Variants in COL10A1 observed in about 807,000 individuals in gnomAD.
COL10A1 encodes the protein collagen alpha-1(X) chain.
COL10A1 carries 10 observed loss-of-function variants against 18.2 expected under a neutral mutation model. The observed-to-expected ratio is 0.55, with a 90% CI of 0.34 to 0.93. The LOEUF is 0.93. COL10A1 is among the 40% of genes least tolerant of loss of function. The probability of loss-of-function intolerance (pLI) is 0.02; values close to 1 mark genes in which losing one functional copy is unlikely to be tolerated. For missense variants in COL10A1, 897 were observed against 853.5 expected (o/e 1.05, Z -0.64); for synonymous variants, 330 against 316.6 (o/e 1.04, Z -0.45).
the COL10A1 span, among the ~76,000 whole-genome samples, chr6:116,178,361 T>C: frequency 6.6e-6 from 1 of 152,160 alleles, no homozygotes; most frequent in Admixed American, 6.5e-5. Flanking sequence ...CTGAACTCTT[T>C]AACTTGAAGT....
At chr6:116,191,943 C>G in the COL10A1 span, among the ~76,000 whole-genome samples, 2 of 151,968 alleles carry the variant, frequency 1.3e-5, no homozygotes, top group African/African-American at 4.8e-5. Flanking sequence ...CATTGATTGC[C>G]ATGATTTTTT....
the COL10A1 span, among the ~76,000 whole-genome samples, chr6:116,205,471 G>A: frequency 8.7e-6 from 1 of 115,544 alleles, no homozygotes; most frequent in South Asian, 2.5e-4. Flanking sequence ...TATCTGGTAG[G>A]TTGGAACTTA....
chr6:116,197,190 T>C, the COL10A1 span, among the ~76,000 whole-genome samples: 1 of 151,908 alleles, frequency 6.6e-6, no homozygotes, highest in Non-Finnish European at 1.5e-5. Context: ...TGAAGAGGCA[T>C]GAATCTTCAT....
At chr6:116,209,674 T>C in the COL10A1 span, among the ~76,000 whole-genome samples, 6 of 151,824 alleles carry the variant, frequency 4.0e-5, no homozygotes, top group African/African-American at 1.2e-4. Context: ...TATGCCTTAA[T>C]TTTAGACGTT....
At chr6:116,200,742 C>T in the COL10A1 span, among the ~76,000 whole-genome samples, 1 of 151,992 alleles carries the variant, frequency 6.6e-6, no homozygotes, top group Non-Finnish European at 1.5e-5. Flanking sequence ...TTCATCTCTT[C>T]TCCCACTAGC....
upstream of COL10A1, among the ~76,000 whole-genome samples, chr6:116,130,422 T>C (rs1391195334): frequency 6.6e-6 from 1 of 151,944 alleles, no homozygotes; most frequent in Non-Finnish European, 1.5e-5. Flanking sequence ...AGTTGGCTCC[T>C]GAGTTCTTTT....
At position 116,153,659 on chromosome 6, in the gene COL10A1, ATTG is replaced by A. The variant is rs563030084; in HGVS notation, c.-16+4952_-16+4954del. 2.3e-3 allele frequency among the ~76,000 whole-genome samples: 348 copies of A among 152,292 alleles called. 2 individuals carry two copies. Among genetic ancestry groups the A allele is most frequent in the African/African-American group, 8.2e-3 (342 of 41,580 alleles). On this transcript the variant is annotated intron_variant, in intron 1 of 1. Coordinates refer to the COL10A1 transcript ENST00000418500. ...TAGAAAAGTTGCATATAAAATTGCT[ATTG>A]TTGTCAAAAACAGTCAAATATTGGC...
chr6:116,199,689 G>A, the COL10A1 span, among the ~76,000 whole-genome samples: 7 of 151,974 alleles, frequency 4.6e-5, no homozygotes, highest in East Asian at 1.4e-3. Flanking sequence ...TACAATGATG[G>A]AGGTGTGTAA....
chr6:116,130,646 A>G (rs894907872), upstream of COL10A1, among the ~76,000 whole-genome samples: 5 of 152,096 alleles, frequency 3.3e-5, no homozygotes, highest in African/African-American at 1.2e-4. Context: ...TAAGAAACGT[A>G]TGCACAGGGT....
the COL10A1 span, among the ~76,000 whole-genome samples, chr6:116,208,425 T>C: frequency 5.3e-5 from 8 of 152,152 alleles, no homozygotes; most frequent in East Asian, 1.4e-3. Context: ...AGTGTATCTC[T>C]TTGAAGCTAG....
the COL10A1 span, among the ~76,000 whole-genome samples, chr6:116,168,152 G>T: frequency 7.2e-6 from 1 of 138,818 alleles, no homozygotes; most frequent in Non-Finnish European, 1.5e-5. Flanking sequence ...CCATTGGTTT[G>T]TTTTGGAAAA....
At chr6:116,169,949 GGA>G in the COL10A1 span, among the ~76,000 whole-genome samples, 1 of 152,188 alleles carries the variant, frequency 6.6e-6, no homozygotes, top group Non-Finnish European at 1.5e-5. Context: ...CAGAAATAGG[GGA>G]GAGGGGTTTC....
intron 1 of COL10A1, among the ~76,000 whole-genome samples, chr6:116,148,385 C>T (rs1483181728): frequency 2.0e-5 from 3 of 152,130 alleles, no homozygotes; most frequent in African/African-American, 7.2e-5. Flanking sequence ...TTGCAATTTA[C>T]CATACATGCC....
the COL10A1 span, among the ~76,000 whole-genome samples, chr6:116,166,853 G>T: frequency 6.6e-6 from 1 of 152,110 alleles, no homozygotes; most frequent in Non-Finnish European, 1.5e-5. Flanking sequence ...CTGAAATTCT[G>T]AAATGTCTGG....
At chr6:116,151,549 G>A (rs1562140256) in intron 1 of COL10A1, among the ~76,000 whole-genome samples, 1 of 152,158 alleles carries the variant, frequency 6.6e-6, no homozygotes, top group East Asian at 1.9e-4. Flanking sequence ...AGACTATTAA[G>A]TAATGTATAT....
intron 1 of COL10A1, among the ~76,000 whole-genome samples, chr6:116,154,658 AT>A (rs71554840): frequency 0.23 from 35,596 of 152,070 alleles, 4,444 homozygotes; most frequent in Middle Eastern, 0.35. Flanking sequence ...GATTAATTTA[AT>A]TATGAAAGGG....
the COL10A1 span, among the ~76,000 whole-genome samples, chr6:116,170,973 C>T: frequency 6.6e-6 from 1 of 152,158 alleles, no homozygotes; most frequent in African/African-American, 2.4e-5. Flanking sequence ...CCCATTCCTC[C>T]TCTGTGGTCT....
chr6:116,132,376 ACT>A (rs1779490814), intron 1 of COL10A1, among the ~76,000 whole-genome samples: 1 of 152,098 alleles, frequency 6.6e-6, no homozygotes, highest in Non-Finnish European at 1.5e-5. Flanking sequence ...TCTCTAGCCT[ACT>A]TTTCCTGTAC....
chr6:116,122,868 TATAA>T (rs1280282224), intron 2 of COL10A1, among the ~76,000 whole-genome samples: 5 of 152,166 alleles, frequency 3.3e-5, no homozygotes, highest in African/African-American at 9.7e-5. Flanking sequence ...CATTGATTAA[TATAA>T]ATACATAGAG....
Sources: allele counts gnomAD v4.1 joint callset (sites outside exome capture counted in the v4.1 genomes callset), GRCh38; gene constraint gnomAD v4.1.1; transcripts MANE v1.5; gene names NCBI Gene and HGNC (gene_info 2026-07-23, HGNC 2026-07-21).